NDEL1: variants seen among roughly 807,000 people sequenced by gnomAD.
NDEL1 encodes the protein nudE neurodevelopment protein 1 like 1, also known as nuclear distribution protein nudE-like 1.
NDEL1 carries 9 observed loss-of-function variants against 45.7 expected under a neutral mutation model. The ratio of observed to expected loss-of-function variants is 0.20; its 90% CI spans 0.12 to 0.34. NDEL1 has a LOEUF of 0.34. Among genes scored for constraint, NDEL1 ranks in the 10% least tolerant of loss-of-function variants. The pLI is 1.00. For missense variants in NDEL1, 306 were observed against 406.2 expected (o/e 0.75, Z 2.12); for synonymous variants, 133 against 158.6 (o/e 0.84, Z 1.21).
downstream of NDEL1, among the ~76,000 whole-genome samples, chr17:8,472,804 C>T (rs763008158): frequency 1.3e-5 from 2 of 152,208 alleles, no homozygotes; most frequent in South Asian, 2.1e-4. Context: ...TGGCCCTAAA[C>T]GAAGCCCCGG....
At chr17:8,439,312 C>T (rs1282096925) in intron 1 of NDEL1, among the ~76,000 whole-genome samples, 1 of 151,392 alleles carries the variant, frequency 6.6e-6, no homozygotes, top group Admixed American at 6.6e-5. Flanking sequence ...CCAATCTCGG[C>T]TCACTGCAAC....
At chr17:8,460,232 A>C (rs528137722) in intron 8 of NDEL1, 72 bp downstream of exon 8, 1 of 1,494,584 alleles carries the variant, frequency 6.7e-7, no homozygotes, top group African/African-American at 1.4e-5. Flanking sequence ...AGCATAATGA[A>C]GCCTTGAAAA....
chr17:8,441,235 TA>T (rs1273384680), intron 1 of NDEL1, among the ~76,000 whole-genome samples: 1 of 152,098 alleles, frequency 6.6e-6, no homozygotes, highest in Non-Finnish European at 1.5e-5. Flanking sequence ...ACAAAATATT[TA>T]AGGGACTGAG....
chr17:8,430,407 A>C (rs1908970579), intron 1 of NDEL1, among the ~76,000 whole-genome samples: 1 of 152,216 alleles, frequency 6.6e-6, no homozygotes, highest in Non-Finnish European at 1.5e-5. Context: ...GAATTTCCAC[A>C]GTGGGCCTGT....
At chr17:8,435,535 A>T (rs1401628269), upstream of NDEL1, among the ~76,000 whole-genome samples, 1 of 152,254 alleles carries the variant, frequency 6.6e-6, no homozygotes, top group African/African-American at 2.4e-5. Flanking sequence ...GAGGTGAACT[A>T]TGAGCCGAGA....
At position 8,444,337 on chromosome 17, in the gene NDEL1, T is replaced by G. The variant is rs774214967; in HGVS notation, c.66T>G (p.Leu22=). The change falls in exon 2 of 9, where the codon CTT becomes CTG. Residue 22 remains leucine (L), a synonymous_variant. Transcript: ENST00000334527. ...AGGAAACTGCTTATTGGAAGGAACTTTCCTTGAAGTATAAGCAAAGGTAAT... is the reference window on the plus strand; with the variant it reads ...AGGAAACTGCTTATTGGAAGGAACTGTCCTTGAAGTATAAGCAAAGGTAAT... ...LKEETAYWKE[L]SLKYKQSFQE... 7 of 1,612,262 alleles carry G rather than the reference T, an allele frequency of 4.3e-6. No homozygotes were observed. The highest frequency in any genetic ancestry group is 1.6e-4 in the Middle Eastern group (1 of 6,084).
downstream of NDEL1, among the ~76,000 whole-genome samples, chr17:8,473,079 T>C (rs933289945): frequency 2.0e-5 from 3 of 152,236 alleles, no homozygotes; most frequent in Non-Finnish European, 2.9e-5. Context: ...AATAGTATCT[T>C]TGCAGAATCA....
In NDEL1 at chr17:8,428,875, G is replaced by A. The variant is rs375914424; in HGVS notation, c.-12-15385G>A. ...TTTTTAGTAGAGACGGGGTTTCACC[G>A]TGTTAGCCAAGATGGTCTCGATCTC... On this transcript the variant is annotated intron_variant, in intron 1 of 4. Transcript: ENST00000582812. 7.8e-3 allele frequency among the ~76,000 whole-genome samples: 1,176 copies of A among 150,278 alleles called. 17 individuals carry two copies. The highest frequency in any genetic ancestry group is 0.023 in the African/African-American group (937 of 40,852).
chr17:8,427,108 A>G (rs781045156), intron 1 of NDEL1, among the ~76,000 whole-genome samples: 20 of 152,194 alleles, frequency 1.3e-4, no homozygotes, highest in Non-Finnish European at 2.8e-4. Context: ...TAGCAAATTC[A>G]TCTCTACCCA....
At chr17:8,441,917 T>C (rs552567222) in intron 1 of NDEL1, among the ~76,000 whole-genome samples, 1 of 152,296 alleles carries the variant, frequency 6.6e-6, no homozygotes, top group African/African-American at 2.4e-5. Context: ...TTTTAAGTCT[T>C]TGTCTAGTAC....
intron 1 of NDEL1, among the ~76,000 whole-genome samples, chr17:8,413,544 A>G (rs1257807378): frequency 1.3e-5 from 2 of 152,090 alleles, no homozygotes; most frequent in African/African-American, 4.8e-5. Context: ...TTGGTTTCCT[A>G]TTTCCTGAAC....
At chr17:8,435,883 C>A, upstream of NDEL1, 4 of 447,682 alleles carry the variant, frequency 8.9e-6, no homozygotes, top group South Asian at 4.7e-5. Flanking sequence ...GACACCCAGG[C>A]AGTCCCTGAC....
chr17:8,445,202 C>T (rs1287203588), intron 2 of NDEL1, among the ~76,000 whole-genome samples: 1 of 151,980 alleles, frequency 6.6e-6, no homozygotes, highest in Non-Finnish European at 1.5e-5. Flanking sequence ...AAATATTAAA[C>T]TAATTTATGG....
At chr17:8,469,860 A>AATT (rs1477249420), downstream of NDEL1, among the ~76,000 whole-genome samples, 1 of 47,090 alleles carries the variant, frequency 2.1e-5, no homozygotes, top group African/African-American at 6.7e-5. Flanking sequence ...ATGCCTGGCT[A>AATT]ATTTTTTTTT....
rs1910107882 is a variant in NDEL1, at chr17:8,446,739, T to C, written c.241-15T>C. On this transcript the variant is annotated splice_polypyrimidine_tract_variant and intron_variant, in intron 3 of 8. Transcript: ENST00000334527. ...TATATTAATGACATGTACTTTCCTA[T>C]ACTGATGCCCTCAGGAGAAGCTAGA... is the stretch of plus-strand genomic sequence containing the variant. 6.2e-7 allele frequency: 1 copy of C among 1,613,942 alleles called. No individual in the cohort carries two copies. The highest frequency in any genetic ancestry group is 1.3e-5 in the African/African-American group (1 of 75,040).
chr17:8,450,301 A>C (rs1910398516), intron 5 of NDEL1, among the ~76,000 whole-genome samples: 1 of 151,986 alleles, frequency 6.6e-6, no homozygotes, highest in African/African-American at 2.4e-5. Context: ...AAAAAAAAAA[A>C]AACGCTCAAT....
intron 1 of NDEL1, chr17:8,436,310 G>T: frequency 6.0e-6 from 1 of 167,304 alleles, no homozygotes; most frequent in Non-Finnish European, 1.3e-5. Flanking sequence ...GCCCCGTTCC[G>T]GGTAGGGTGA....
chr17:8,458,304 A>G (rs1910980211), intron 7 of NDEL1, among the ~76,000 whole-genome samples: 1 of 151,864 alleles, frequency 6.6e-6, no homozygotes, highest in Admixed American at 6.6e-5. Context: ...GGTTTTACTC[A>G]GAGTTCTGTC....
rs754836224 is a variant in NDEL1, at chr17:8,425,932, C to T, written c.-13+12663C>T. Among the ~76,000 whole-genome samples the T allele has an allele frequency of 4.6e-5, 7 of 152,238 alleles. No individual in the cohort carries two copies. The South Asian group carries it at 1.5e-3, about 32-fold the overall frequency. On this transcript the variant is annotated intron_variant, in intron 1 of 4. Transcript: ENST00000582812. ...TCAGGCTACAGAATAGCTAGGATTA[C>T]AAATGTAAGCCACCTTGCCCAGCTA...
Sources: gnomAD v4.1 joint callset for allele counts (sites outside exome capture counted in the v4.1 genomes callset) on GRCh38, gnomAD v4.1.1 for gene constraint, MANE v1.5 for transcripts, NCBI Gene and HGNC (gene_info 2026-07-23, HGNC 2026-07-21) for gene names.